STK32B: variants seen among roughly 807,000 people sequenced by gnomAD.
STK32B encodes the protein serine/threonine-protein kinase 32B.
Under a neutral mutation model 52.6 loss-of-function variants are expected in STK32B, and 43 were observed. The observed-to-expected ratio is 0.82, with a 90% CI of 0.64 to 1.05. The LOEUF (loss-of-function observed/expected upper bound fraction) is 1.05, where lower values mean the gene tolerates loss of function less well. STK32B is among the 50% of genes least tolerant of loss of function. The pLI is 0.00. For synonymous variants in STK32B, 238 were observed against 204.3 expected, an observed-to-expected ratio of 1.17 and a Z score of -1.41; for missense variants, 621 against 534.6, an observed-to-expected ratio of 1.16 and a Z score of -1.59.
intron 7 of STK32B, 149 bp downstream of exon 7, chr4:5,446,925 T>G: frequency 1.5e-6 from 1 of 668,890 alleles, no homozygotes; most frequent in Non-Finnish European, 2.6e-6. Context: ...GATGCCTGTG[T>G]GCCGCCTATG....
intron 3 of STK32B, among the ~76,000 whole-genome samples, chr4:5,181,094 G>A (rs1445620899): frequency 6.6e-6 from 1 of 152,204 alleles, no homozygotes; most frequent in African/African-American, 2.4e-5. Context: ...AACACTTTGA[G>A]GTCTGACCTC....
chr4:5,354,087 A>G (rs992049021), intron 4 of STK32B, among the ~76,000 whole-genome samples: 21 of 152,232 alleles, frequency 1.4e-4, no homozygotes, highest in African/African-American at 5.1e-4. Flanking sequence ...TTGCAGCAAC[A>G]TGGATGGAAC....
At chr4:5,375,975 T>G (rs908084199) in intron 4 of STK32B, among the ~76,000 whole-genome samples, 5 of 152,096 alleles carry the variant, frequency 3.3e-5, no homozygotes, top group Admixed American at 1.3e-4. Flanking sequence ...ACCTCCACCC[T>G]CATCTCTGCA....
chr4:5,485,654 A>G (rs1038028087), intron 11 of STK32B, among the ~76,000 whole-genome samples: 2 of 152,106 alleles, frequency 1.3e-5, no homozygotes, highest in African/African-American at 4.8e-5. Flanking sequence ...TTGGAGGAGG[A>G]GAGGCACTCT....
chr4:5,144,444 T>G (rs1042514830), intron 2 of STK32B, among the ~76,000 whole-genome samples: 5 of 152,180 alleles, frequency 3.3e-5, no homozygotes, highest in Non-Finnish European at 5.9e-5. Flanking sequence ...CTGAATGTGC[T>G]TTTTGGCAGT....
intron 4 of STK32B, among the ~76,000 whole-genome samples, chr4:5,349,800 C>G (rs1733712121): frequency 6.6e-6 from 1 of 151,898 alleles, no homozygotes; most frequent in African/African-American, 2.4e-5. Flanking sequence ...AAAAAACAAC[C>G]AAGCAGAAAT....
At chr4:5,458,436 C>G (rs1716754078) in intron 8 of STK32B, 1 of 152,238 alleles carries the variant, frequency 6.6e-6, no homozygotes. Context: ...GAAAGTGTCA[C>G]TATCCCAGTA....
chr4:5,169,550 C>A (rs1719172166), intron 3 of STK32B, among the ~76,000 whole-genome samples: 1 of 151,896 alleles, frequency 6.6e-6, no homozygotes, highest in South Asian at 2.1e-4. Flanking sequence ...ACAGATTGTC[C>A]CATCTGAGAA....
At position 5,440,084 on chromosome 4, in the gene STK32B, C is replaced by T. The variant is rs905744452; in HGVS notation, c.563-6589C>T. Among the ~76,000 whole-genome samples, 419 of 151,818 alleles carry T rather than the reference C, an allele frequency of 2.8e-3. 4 individuals are homozygous for T. Among genetic ancestry groups the T allele is most frequent in the African/African-American group, 9.6e-3 (397 of 41,460 alleles). On this transcript the variant is annotated intron_variant, in intron 6 of 11. Coordinates refer to ENST00000282908, the MANE Select transcript of STK32B (RefSeq NM_018401.3). Reference sequence around the variant, plus strand: ...TTGGCTTAGGATTGACTTGGCGATGCGGGCTCTTTTTTGGTTCCATATGAA... The same window carrying T: ...TTGGCTTAGGATTGACTTGGCGATGTGGGCTCTTTTTTGGTTCCATATGAA...
In STK32B at chr4:5,415,616, G is replaced by C. The variant is rs536651333; in HGVS notation, c.473-1229G>C. Among the ~76,000 whole-genome samples the C allele has an allele frequency of 1.4e-4, 21 of 152,320 alleles. No homozygotes were observed. The South Asian group carries it at 3.3e-3, about 24-fold the overall frequency. On this transcript the variant is annotated intron_variant, in intron 5 of 11. Transcript: ENST00000282908. ...GCAAAGACCTGGTTGGGTGACTTCA[G>C]CTTCATCCACAAGTATCTGAAGAGT...
At chr4:5,432,977 A>T (rs78645880) in intron 6 of STK32B, among the ~76,000 whole-genome samples, 2,471 of 152,246 alleles carry the variant, frequency 0.016, 72 homozygotes, top group African/African-American at 0.055. Flanking sequence ...GCCAGTAAGC[A>T]TGGGAGCTGA....
chr4:5,195,120 C>T (rs564201913), intron 3 of STK32B, among the ~76,000 whole-genome samples: 1 of 152,202 alleles, frequency 6.6e-6, no homozygotes, highest in Admixed American at 6.5e-5. Context: ...TTTTTTCAGG[C>T]TGGAGTGCAT....
chr4:5,495,212 C>G (rs975884046), intron 11 of STK32B, among the ~76,000 whole-genome samples: 1 of 152,160 alleles, frequency 6.6e-6, no homozygotes, highest in Admixed American at 6.5e-5. Flanking sequence ...TTCAGGTACA[C>G]CAATCAGACG....
chr4:5,063,867 A>G (rs1172375137), intron 1 of STK32B, among the ~76,000 whole-genome samples: 1 of 152,180 alleles, frequency 6.6e-6, no homozygotes, highest in Non-Finnish European at 1.5e-5. Flanking sequence ...TTGATTGAGC[A>G]TACAATAGTA....
Position 5,164,354 on chromosome 4 carries a change from G to A in STK32B, c.109-3945G>A, listed in dbSNP as rs78587318. Among the ~76,000 whole-genome samples the A allele has an allele frequency of 9.8e-3, 1,494 of 152,198 alleles. 25 individuals carry two copies. The highest frequency in any genetic ancestry group is 0.034 in the African/African-American group (1,432 of 41,532). ...TCCTCACATAGCCTTCCGCCTGGAT[G>A]TGTCTCCTCCCCTTCTCTTCTCTTC... is the stretch of plus-strand genomic sequence containing the variant. On this transcript the variant is annotated intron_variant, in intron 2 of 11. Coordinates refer to ENST00000282908, the MANE Select transcript of STK32B (RefSeq NM_018401.3).
chr4:5,201,111 C>T (rs777390492), intron 3 of STK32B, among the ~76,000 whole-genome samples: 17 of 152,210 alleles, frequency 1.1e-4, no homozygotes, highest in African/African-American at 2.9e-4. Context: ...AAGTCAGGCT[C>T]TGATCAGTTG....
intron 1 of STK32B, among the ~76,000 whole-genome samples, chr4:5,107,076 C>A (rs528236531): frequency 2.6e-5 from 4 of 152,258 alleles, no homozygotes; most frequent in African/African-American, 7.2e-5. Flanking sequence ...ACAGCTGCTC[C>A]CCATGACTCT....
At chr4:5,441,760 T>C (rs1465018137) in intron 6 of STK32B, among the ~76,000 whole-genome samples, 1 of 142,290 alleles carries the variant, frequency 7.0e-6, no homozygotes, top group Non-Finnish European at 1.6e-5. Flanking sequence ...AATTTCCCTC[T>C]ACACACTGCT....
intron 4 of STK32B, among the ~76,000 whole-genome samples, chr4:5,355,136 C>T (rs1407882558): frequency 6.6e-6 from 1 of 152,152 alleles, no homozygotes; most frequent in East Asian, 1.9e-4. Context: ...GTTAAAGCAG[C>T]AACAGGAAAC....
Sources: allele counts gnomAD v4.1 joint callset (sites outside exome capture counted in the v4.1 genomes callset), GRCh38; gene constraint gnomAD v4.1.1; transcripts MANE v1.5; gene names NCBI Gene and HGNC (gene_info 2026-07-23, HGNC 2026-07-21).